Variants in COL25A1 observed in about 807,000 individuals in gnomAD.
The protein encoded by COL25A1 is collagen alpha-1(XXV) chain.
COL25A1 carries 103 observed loss-of-function variants against 128.4 expected under a neutral mutation model. The ratio of observed to expected loss-of-function variants is 0.80; its 90% CI spans 0.68 to 0.94. COL25A1 has a LOEUF of 0.94. COL25A1 is among the 40% of genes least tolerant of loss of function. The pLI is 0.00. For synonymous variants in COL25A1, 279 were observed against 277.2 expected (o/e 1.01, Z -0.06); for missense variants, 745 against 840.0 (o/e 0.89, Z 1.40).
At chr4:109,108,214 T>C (rs931503550) in intron 3 of COL25A1, among the ~76,000 whole-genome samples, 1 of 152,140 alleles carries the variant, frequency 6.6e-6, no homozygotes, top group African/African-American at 2.4e-5. Flanking sequence ...CGGTGTGTGA[T>C]GTTCCCCTTC....
intron 5 of COL25A1, among the ~76,000 whole-genome samples, chr4:109,015,863 A>G (rs1361213134): frequency 1.3e-5 from 2 of 152,202 alleles, no homozygotes; most frequent in African/African-American, 4.8e-5. Flanking sequence ...AATATTAACT[A>G]TTCTTTGTTG....
chr4:109,236,198 C>A (rs529195710), intron 3 of COL25A1, among the ~76,000 whole-genome samples: 9 of 151,586 alleles, frequency 5.9e-5, no homozygotes, highest in Non-Finnish European at 1.0e-4. Context: ...CAAAAGATTT[C>A]TTCACTTTTG....
intron 3 of COL25A1, among the ~76,000 whole-genome samples, chr4:109,148,303 C>A (rs1442098618): frequency 6.6e-5 from 10 of 152,056 alleles, no homozygotes; most frequent in Admixed American, 6.5e-4. Flanking sequence ...GATTTAATAA[C>A]AATATTTTAA....
At chr4:109,226,077 G>A (rs965005807) in intron 3 of COL25A1, among the ~76,000 whole-genome samples, 2 of 151,864 alleles carry the variant, frequency 1.3e-5, no homozygotes, top group Non-Finnish European at 2.9e-5. Context: ...TGTCTTTTGT[G>A]GTCACATGGG....
intron 3 of COL25A1, among the ~76,000 whole-genome samples, chr4:109,163,193 C>A (rs1019435887): frequency 1.3e-5 from 2 of 152,164 alleles, no homozygotes; most frequent in Non-Finnish European, 2.9e-5. Context: ...CTGGGCATCC[C>A]AGGCTAAGAC....
In COL25A1 at chr4:109,207,266, T is replaced by C. The variant is rs561486606; in HGVS notation, c.367+93317A>G. ...GCCTCTGTACCTCACTGTGTGTATA[T>C]GTGATACAGCTGAGTCAAAGCATCC... On this transcript the variant is annotated intron_variant, in intron 3 of 37. Transcript: ENST00000399132. 7.9e-5 allele frequency among the ~76,000 whole-genome samples: 12 copies of C among 152,282 alleles called. No homozygotes were observed. In the East Asian group the frequency reaches 1.9e-3, roughly 24 times the overall value.
Position 109,104,401 on chromosome 4 carries a change from A to ACTCTCTCTCT in COL25A1, c.368-54232_368-54223dup, listed in dbSNP as rs112054758. ...AAAATAAATAAATAAAAAGGAAATC[A>ACTCTCTCTCT]CTCTCTCTCTCTCTCTCTTTTTTGC... On this transcript the variant is annotated intron_variant, in intron 3 of 37. Transcript: ENST00000399132. Among the ~76,000 whole-genome samples, 554 of 150,044 alleles carry ACTCTCTCTCT rather than the reference A, an allele frequency of 3.7e-3. 1 individual carries two copies. The highest frequency in any genetic ancestry group is 5.1e-3 in the East Asian group (26 of 5,088).
At chr4:109,271,814 C>T (rs1324391135) in intron 3 of COL25A1, among the ~76,000 whole-genome samples, 1 of 152,136 alleles carries the variant, frequency 6.6e-6, no homozygotes, top group African/African-American at 2.4e-5. Flanking sequence ...TAGTATCACA[C>T]TAAACTTTTT....
intron 3 of COL25A1, among the ~76,000 whole-genome samples, chr4:109,195,616 G>C (rs1203189137): frequency 2.6e-5 from 4 of 151,970 alleles, no homozygotes; most frequent in African/African-American, 4.8e-5. Context: ...CTCATTACTA[G>C]ACTCACCGAA....
At chr4:109,052,464 A>G (rs3108925) in intron 3 of COL25A1, among the ~76,000 whole-genome samples, 75,238 of 151,990 alleles carry the variant, frequency 0.5, 20,340 homozygotes, top group African/African-American at 0.7. Context: ...TGACAGAGAA[A>G]ATGAATTTAA....
At chr4:108,999,680 G>A (rs971707827) in intron 6 of COL25A1, among the ~76,000 whole-genome samples, 9 of 152,166 alleles carry the variant, frequency 5.9e-5, no homozygotes, top group East Asian at 1.9e-4. Context: ...TGTTTATTAC[G>A]GCACTATTCA....
intron 8 of COL25A1, among the ~76,000 whole-genome samples, chr4:108,942,454 T>C (rs1483034203): frequency 1.3e-5 from 2 of 152,066 alleles, no homozygotes; most frequent in East Asian, 3.9e-4. Flanking sequence ...TTTTTTTTTT[T>C]TCTTTTTAAG....
At chr4:108,969,616 C>T (rs1281096947) in intron 8 of COL25A1, among the ~76,000 whole-genome samples, 1 of 152,140 alleles carries the variant, frequency 6.6e-6, no homozygotes, top group Non-Finnish European at 1.5e-5. Context: ...CATCAACTTA[C>T]CACCTCCCAC....
At chr4:109,077,279 C>G (rs2125989682) in intron 3 of COL25A1, among the ~76,000 whole-genome samples, 1 of 152,186 alleles carries the variant, frequency 6.6e-6, no homozygotes, top group African/African-American at 2.4e-5. Flanking sequence ...TTGTGGAATC[C>G]ATATCTATAC....
chr4:108,908,942 G>A (rs2125879333), intron 13 of COL25A1, among the ~76,000 whole-genome samples: 1 of 152,212 alleles, frequency 6.6e-6, no homozygotes, highest in Non-Finnish European at 1.5e-5. Flanking sequence ...GGGCCATCCG[G>A]TTAGACATGC....
At chr4:108,879,346 CAT>C (rs1396377679) in intron 19 of COL25A1, among the ~76,000 whole-genome samples, 1 of 151,902 alleles carries the variant, frequency 6.6e-6, no homozygotes, top group African/African-American at 2.4e-5. Context: ...AAAATGATTT[CAT>C]ATGTTTTTTA....
intron 3 of COL25A1, among the ~76,000 whole-genome samples, chr4:109,213,554 G>A (rs1292266470): frequency 1.3e-5 from 2 of 152,094 alleles, no homozygotes; most frequent in African/African-American, 2.4e-5. Context: ...TGAGAAGCCT[G>A]GTCAACAGCC....
chr4:109,170,400 A>G (rs747848003), intron 3 of COL25A1, among the ~76,000 whole-genome samples: 36 of 152,188 alleles, frequency 2.4e-4, no homozygotes, highest in South Asian at 4.1e-4. Flanking sequence ...GGTGCAGGCC[A>G]TACAATCCAC....
chr4:109,224,611 G>A (rs1274681177), intron 3 of COL25A1, among the ~76,000 whole-genome samples: 3 of 152,102 alleles, frequency 2.0e-5, no homozygotes, highest in Admixed American at 2.0e-4. Flanking sequence ...CAACTCAGTA[G>A]AAGAGTGATT....
Sources: gnomAD v4.1 joint callset for allele counts (sites outside exome capture counted in the v4.1 genomes callset) on GRCh38, gnomAD v4.1.1 for gene constraint, MANE v1.5 for transcripts, NCBI Gene and HGNC (gene_info 2026-07-23, HGNC 2026-07-21) for gene names.